UBXN7: variants seen among roughly 807,000 people sequenced by gnomAD.
The protein encoded by UBXN7 is UBX domain-containing protein 7.
In UBXN7, 9 loss-of-function variants were observed where a neutral mutation model predicts 58.0. That is an observed-to-expected ratio of 0.16 (90% CI 0.09 to 0.27). The LOEUF is 0.27. Among genes scored for constraint, UBXN7 ranks in the 10% least tolerant of loss-of-function variants. The probability of loss-of-function intolerance (pLI) is 1.00; values close to 1 mark genes in which losing one functional copy is unlikely to be tolerated. For missense variants in UBXN7, 328 were observed against 599.6 expected (o/e 0.55, Z 4.73); for synonymous variants, 208 against 205.0 (o/e 1.01, Z -0.12).
chr3:196,407,613 T>A (rs1037399615), intron 1 of UBXN7, among the ~76,000 whole-genome samples: 11 of 152,240 alleles, frequency 7.2e-5, no homozygotes, highest in African/African-American at 2.6e-4. Context: ...AGAGTAATCA[T>A]CCTTCATAAT....
At chr3:196,413,783 C>T (rs1206501865) in intron 1 of UBXN7, among the ~76,000 whole-genome samples, 1 of 152,060 alleles carries the variant, frequency 6.6e-6, no homozygotes, top group African/African-American at 2.4e-5. Context: ...CATGACTGTC[C>T]AAGGATACCA....
At chr3:196,386,106 C>T (rs1315685154) in intron 5 of UBXN7, among the ~76,000 whole-genome samples, 1 of 152,024 alleles carries the variant, frequency 6.6e-6, no homozygotes, top group Non-Finnish European at 1.5e-5. Flanking sequence ...GAAACATGTG[C>T]TGTGTCCACT....
At chr3:196,408,097 CAAAAA>C (rs71621241) in intron 1 of UBXN7, among the ~76,000 whole-genome samples, 9 of 45,238 alleles carry the variant, frequency 2.0e-4, no homozygotes, top group East Asian at 1.6e-3. Flanking sequence ...GACTCTGTCT[CAAAAA>C]AAAAAAAAAA....
At position 196,350,804 on chromosome 3, in the gene UBXN7, A is replaced by G. The variant is rs983400342; in HGVS notation, c.*5881T>C. On this transcript the variant is annotated 3_prime_UTR_variant, in exon 11 of 11. Coordinates refer to ENST00000296328, the MANE Select transcript of UBXN7 (RefSeq NM_015562.2). ...TCTGTTGGGTTATCTGCAGTTCTAA[A>G]GAACATTCTTGCCACTATTCTAAAA... 1 of 152,226 alleles carries G rather than the reference A, an allele frequency of 6.6e-6. No homozygotes were observed. The highest frequency in any genetic ancestry group is 1.5e-5 in the Non-Finnish European group (1 of 68,038). The allele number at this position is 152,226 out of a possible 1,614,324, so 9.4% of individuals were successfully genotyped here.
intron 1 of UBXN7, among the ~76,000 whole-genome samples, chr3:196,409,952 T>A (rs1359713030): frequency 6.6e-6 from 1 of 151,912 alleles, no homozygotes; most frequent in Non-Finnish European, 1.5e-5. Flanking sequence ...TTTTTTTTTT[T>A]TTTTTGAGAC....
At position 196,350,634 on chromosome 3, in the gene UBXN7, T is replaced by C. The variant is rs1728188511; in HGVS notation, c.*6051A>G. The stretch of plus-strand genomic sequence containing the variant: ...CAACTAGCAAGGCCATTATAATCTC[T>C]ATTTTTAAAAAGACATCAAGAAATT... On this transcript the variant is annotated 3_prime_UTR_variant, in exon 11 of 11. Transcript: ENST00000296328. 1.3e-5 allele frequency: 1 copy of C among 76,078 alleles called. No individual in the cohort carries two copies. The highest frequency in any genetic ancestry group is 2.9e-5 in the Non-Finnish European group (1 of 34,584). 4.7% of individuals were successfully genotyped at this position (76,078 alleles called of 1,614,324 possible).
intron 1 of UBXN7, among the ~76,000 whole-genome samples, chr3:196,424,683 G>A (rs1048843776): frequency 6.8e-6 from 1 of 146,720 alleles, no homozygotes; most frequent in East Asian, 2.0e-4. Context: ...ACTAGGCCTC[G>A]CCTCATCCAT....
intron 5 of UBXN7, among the ~76,000 whole-genome samples, chr3:196,389,396 A>C (rs1729509372): frequency 6.6e-6 from 1 of 152,216 alleles, no homozygotes. Flanking sequence ...AATTATCATC[A>C]TTTGGGTTTT....
Position 196,405,528 on chromosome 3 carries a change from A to G in UBXN7, c.221+1718T>C, listed in dbSNP as rs529604975. On this transcript the variant is annotated intron_variant, in intron 2 of 10. Transcript: ENST00000296328. ...AAAGAAAGAAAACTTTTACCTAAAC[A>G]AAACTTTCCATTATTGTTATACCTC... Among the ~76,000 whole-genome samples the G allele has an allele frequency of 5.7e-4, 86 of 152,148 alleles. 1 individual carries two copies. The highest frequency in any genetic ancestry group is 1.1e-3 in the Non-Finnish European group (75 of 67,996).
At chr3:196,387,897 G>A (rs915229400) in intron 5 of UBXN7, among the ~76,000 whole-genome samples, 1 of 152,066 alleles carries the variant, frequency 6.6e-6, no homozygotes, top group Non-Finnish European at 1.5e-5. Context: ...ATTCCTCAAG[G>A]ATCTAGAACT....
chr3:196,375,988 C>T (rs1163807947), intron 5 of UBXN7, among the ~76,000 whole-genome samples: 2 of 152,038 alleles, frequency 1.3e-5, no homozygotes, highest in African/African-American at 4.8e-5. Context: ...GGGATCATGC[C>T]ACTGCACTCC....
chr3:196,382,716 C>A (rs1729243776), intron 5 of UBXN7, among the ~76,000 whole-genome samples: 1 of 152,092 alleles, frequency 6.6e-6, no homozygotes, highest in Admixed American at 6.6e-5. Context: ...GAGTTAAGAC[C>A]CATCAGTGTG....
At chr3:196,366,709 G>A (rs1299327683) in intron 8 of UBXN7, among the ~76,000 whole-genome samples, 6 of 151,874 alleles carry the variant, frequency 4.0e-5, no homozygotes, top group South Asian at 2.1e-4. Flanking sequence ...GACAACATAC[G>A]GAGGCCTCCG....
At chr3:196,430,029 A>G (rs1442588993) in intron 1 of UBXN7, among the ~76,000 whole-genome samples, 4 of 152,190 alleles carry the variant, frequency 2.6e-5, no homozygotes, top group African/African-American at 4.8e-5. Context: ...TGGGAAGAGT[A>G]GTAATTAGCA....
Position 196,354,193 on chromosome 3 carries a change from A to G in UBXN7, c.*2492T>C, listed in dbSNP as rs908906310. On this transcript the variant is annotated 3_prime_UTR_variant, in exon 11 of 11. Transcript: ENST00000296328. ...ACCCACCACATCTTGTATTGTAGAC[A>G]TCCCAGCTGCATGTTAAGCTGAGTG... The G allele has an allele frequency of 9.9e-5, 15 of 152,250 alleles. No individual in the cohort carries two copies. Among genetic ancestry groups the G allele is most frequent in the Admixed American group, 5.9e-4 (9 of 15,288 alleles). The allele number at this position is 152,250 out of a possible 1,614,324, so 9.4% of individuals were successfully genotyped here.
At chr3:196,430,943 T>G (rs1299817935) in intron 1 of UBXN7, among the ~76,000 whole-genome samples, 3 of 152,190 alleles carry the variant, frequency 2.0e-5, no homozygotes, top group Non-Finnish European at 4.4e-5. Flanking sequence ...GAAGTTATCA[T>G]GCAACTCCTC....
At chr3:196,407,161 C>T in intron 2 of UBXN7, 85 bp downstream of exon 2, 1 of 1,514,412 alleles carries the variant, frequency 6.6e-7, no homozygotes, top group South Asian at 1.3e-5. Flanking sequence ...ATTTCAAAAC[C>T]AGAGAATCGA....
Position 196,369,530 on chromosome 3 carries a change from A to T in UBXN7, c.616-19T>A. The T allele has an allele frequency of 8.4e-7, 1 of 1,193,948 alleles. No individual in the cohort carries two copies. The highest frequency in any genetic ancestry group is 1.5e-5 in the South Asian group (1 of 64,660). 74.0% of individuals were successfully genotyped at this position (1,193,948 alleles called of 1,614,324 possible). A position where few individuals can be genotyped will look rare whatever the true frequency, so the allele number is the denominator to read the frequency against. On this transcript the variant is annotated intron_variant, in intron 6 of 10. Transcript: ENST00000296328. The stretch of plus-strand genomic sequence containing the variant: ...GATAAACCTGTTAAATCATTGATAT[A>T]AAAAAAAAAGTCAGCCTCTAAGAAA...
rs574331044 is a variant in UBXN7 at position 196,387,880 on chromosome 3, T to C, written c.468+3933A>G. On this transcript the variant is annotated intron_variant, in intron 5 of 10. Coordinates refer to ENST00000296328, the MANE Select transcript of UBXN7 (RefSeq NM_015562.2). Reference sequence around the variant, plus strand: ...TTAGTTCAACCATTGTGGAAGACAGTGTGGCGATTCCTCAAGGATCTAGAA... The same window carrying C: ...TTAGTTCAACCATTGTGGAAGACAGCGTGGCGATTCCTCAAGGATCTAGAA... Among the ~76,000 whole-genome samples, 23 of 152,226 alleles carry C rather than the reference T, an allele frequency of 1.5e-4. No individual in the cohort carries two copies. The South Asian group carries it at 3.9e-3, about 26-fold the overall frequency.
Sources: gnomAD v4.1 joint callset for allele counts (sites outside exome capture counted in the v4.1 genomes callset) on GRCh38, gnomAD v4.1.1 for gene constraint, MANE v1.5 for transcripts, NCBI Gene and HGNC (gene_info 2026-07-23, HGNC 2026-07-21) for gene names.